Variants in PRKN observed in about 807,000 individuals in gnomAD.
The protein encoded by PRKN is E3 ubiquitin-protein ligase parkin.
PRKN carries 56 observed loss-of-function variants against 59.5 expected under a neutral mutation model. The observed-to-expected ratio is 0.94, with a 90% CI of 0.76 to 1.18. PRKN has a LOEUF of 1.18. Ranked by LOEUF, PRKN falls within the 50% of genes most tolerant of loss-of-function variation. The probability of loss-of-function intolerance (pLI) is 0.00; values close to 1 mark genes in which losing one functional copy is unlikely to be tolerated. For synonymous variants in PRKN, 250 were observed against 222.1 expected, an observed-to-expected ratio of 1.13 and a Z score of -1.12; for missense variants, 657 against 596.4, an observed-to-expected ratio of 1.10 and a Z score of -1.06.
At chr6:162,703,393 G>A (rs1231730199) in intron 1 of PRKN, among the ~76,000 whole-genome samples, 1 of 152,078 alleles carries the variant, frequency 6.6e-6, no homozygotes, top group East Asian at 1.9e-4. Flanking sequence ...ATTAACATGT[G>A]ATACTGTTCC....
At chr6:161,621,169 A>T (rs2128150706) in intron 7 of PRKN, among the ~76,000 whole-genome samples, 1 of 152,302 alleles carries the variant, frequency 6.6e-6, no homozygotes, top group Non-Finnish European at 1.5e-5. Flanking sequence ...AGGCTTCTCC[A>T]GAGAGACAGA....
intron 6 of PRKN, among the ~76,000 whole-genome samples, chr6:161,864,263 T>C (rs1156570902): frequency 6.6e-6 from 1 of 152,226 alleles, no homozygotes; most frequent in Non-Finnish European, 1.5e-5. Context: ...GTGTATGTAA[T>C]ATTCTAAATC....
chr6:162,563,317 CAAAAAAA>C (rs55881751), intron 1 of PRKN, among the ~76,000 whole-genome samples: 7 of 145,804 alleles, frequency 4.8e-5, no homozygotes, highest in African/African-American at 1.7e-4. Flanking sequence ...AAACAAAAAA[CAAAAAAA>C]AAAAAACAAA....
At chr6:162,086,104 C>G (rs905646583) in intron 4 of PRKN, among the ~76,000 whole-genome samples, 1 of 152,138 alleles carries the variant, frequency 6.6e-6, no homozygotes, top group African/African-American at 2.4e-5. Context: ...AATTAATGTA[C>G]TAATGCCCTT....
In PRKN at chr6:162,571,984, G is replaced by GA. The variant is rs1014854932; in HGVS notation, c.8-128512dup. Among the ~76,000 whole-genome samples the GA allele has an allele frequency of 7.3e-5, 11 of 150,228 alleles. No individual in the cohort carries two copies. In the East Asian group the frequency reaches 1.2e-3, roughly 16 times the overall value. ...GCACAGAAATGCTTAGACAAATTTG[G>GA]AAAAAAAAACAAACAGACATTCCAG... On this transcript the variant is annotated intron_variant, in intron 1 of 11. Coordinates refer to ENST00000366898, the MANE Select transcript of PRKN (RefSeq NM_004562.3).
At chr6:161,430,954 G>A (rs1393557729) in intron 9 of PRKN, among the ~76,000 whole-genome samples, 2 of 151,330 alleles carry the variant, frequency 1.3e-5, no homozygotes, top group Admixed American at 6.6e-5. Context: ...TGGCCAACGT[G>A]GTGAAACCCT....
chr6:161,882,505 C>G (rs1287850807), intron 6 of PRKN, among the ~76,000 whole-genome samples: 1 of 152,188 alleles, frequency 6.6e-6, no homozygotes, highest in African/African-American at 2.4e-5. Flanking sequence ...TCTGACCATT[C>G]TAGTCAGCTT....
chr6:161,392,782 AG>A (rs894163573), intron 9 of PRKN, among the ~76,000 whole-genome samples: 6 of 151,548 alleles, frequency 4.0e-5, no homozygotes, highest in African/African-American at 1.2e-4. Context: ...AAAAAAAAAA[AG>A]ATTTAATAGA....
intron 9 of PRKN, among the ~76,000 whole-genome samples, chr6:161,521,579 C>T (rs1425855729): frequency 6.6e-6 from 1 of 152,228 alleles, no homozygotes; most frequent in Non-Finnish European, 1.5e-5. Flanking sequence ...CTGTGCACTT[C>T]ATATAAGCTT....
chr6:161,694,176 A>G (rs1252453448), intron 7 of PRKN, among the ~76,000 whole-genome samples: 2 of 152,192 alleles, frequency 1.3e-5, no homozygotes, highest in Non-Finnish European at 2.9e-5. Context: ...TCCTTCATTT[A>G]CCAGATTATT....
intron 6 of PRKN, among the ~76,000 whole-genome samples, chr6:161,878,262 A>G (rs756481555): frequency 2.2e-4 from 33 of 152,222 alleles, no homozygotes; most frequent in Admixed American, 6.5e-5. Context: ...TTGAAGTATA[A>G]TGTATATACA....
chr6:162,499,526 C>T (rs559073324), intron 1 of PRKN, among the ~76,000 whole-genome samples: 19 of 152,192 alleles, frequency 1.2e-4, no homozygotes, highest in Admixed American at 8.5e-4. Flanking sequence ...TATTTACTGA[C>T]GACTGAATAA....
At chr6:162,622,348 G>A (rs1220482333) in intron 1 of PRKN, among the ~76,000 whole-genome samples, 2 of 148,560 alleles carry the variant, frequency 1.3e-5, no homozygotes, top group Non-Finnish European at 3.0e-5. Flanking sequence ...CTCCCCAGGC[G>A]AATTTTTGCA....
chr6:162,291,432 G>T (rs1279081219), intron 2 of PRKN, among the ~76,000 whole-genome samples: 1 of 152,028 alleles, frequency 6.6e-6, no homozygotes, highest in African/African-American at 2.4e-5. Context: ...GACATCGCAG[G>T]AATCATGCCA....
chr6:162,576,973 T>G (rs952224240), intron 1 of PRKN, among the ~76,000 whole-genome samples: 2 of 152,078 alleles, frequency 1.3e-5, no homozygotes, highest in African/African-American at 4.8e-5. Context: ...GCAAAAATAA[T>G]GCCTTTCATT....
At chr6:162,380,473 G>GTA (rs3050243) in intron 2 of PRKN, among the ~76,000 whole-genome samples, 21 of 38,906 alleles carry the variant, frequency 5.4e-4, no homozygotes, top group African/African-American at 1.1e-3. Context: ...ATATATGTGT[G>GTA]TATATATATG....
At chr6:162,027,118 A>T (rs998564586) in intron 5 of PRKN, among the ~76,000 whole-genome samples, 2 of 151,896 alleles carry the variant, frequency 1.3e-5, no homozygotes, top group African/African-American at 2.4e-5. Context: ...CTCACTTATG[A>T]CCTCTCTACA....
At chr6:161,973,180 T>C (rs896012859) in intron 6 of PRKN, 122 bp downstream of exon 6, 1 of 727,260 alleles carries the variant, frequency 1.4e-6, no homozygotes, top group Admixed American at 2.0e-5. Context: ...GGAAAGAGAG[T>C]TCACTGAGGA....
chr6:162,715,134 C>T (rs548491958), intron 1 of PRKN, among the ~76,000 whole-genome samples: 2 of 152,258 alleles, frequency 1.3e-5, no homozygotes, highest in South Asian at 2.1e-4. Context: ...TTTCTCCCAT[C>T]TCAACACCTG....
Sources: gnomAD v4.1 joint callset for allele counts (sites outside exome capture counted in the v4.1 genomes callset) on GRCh38, gnomAD v4.1.1 for gene constraint, MANE v1.5 for transcripts, NCBI Gene and HGNC (gene_info 2026-07-23, HGNC 2026-07-21) for gene names.